Variants in DOCK7 observed in about 807,000 individuals in gnomAD.
The protein encoded by DOCK7 is dedicator of cytokinesis protein 7.
In DOCK7, 138 loss-of-function variants were observed where a neutral mutation model predicts 271.0. The observed-to-expected ratio is 0.51, with a 90% CI of 0.44 to 0.59. The LOEUF is 0.59. Ranked by LOEUF, DOCK7 falls within the 20% of genes least tolerant of loss-of-function variation. The probability of loss-of-function intolerance (pLI) is 0.00; values close to 1 mark genes in which losing one functional copy is unlikely to be tolerated. For missense variants in DOCK7, 2,066 were observed against 2,592.4 expected, an observed-to-expected ratio of 0.80 and a Z score of 4.41; for synonymous variants, 823 against 876.1, an observed-to-expected ratio of 0.94 and a Z score of 1.07.
rs549591859 is a variant in DOCK7 at position 62,571,704 on chromosome 1, G to A, written c.2112+5558C>T. Among the ~76,000 whole-genome samples, 9 of 152,196 alleles carry A rather than the reference G, an allele frequency of 5.9e-5. 1 individual carries two copies. The South Asian group carries it at 1.9e-3, about 32-fold the overall frequency. ...AAAGAAAATGTGGTACATATACACC[G>A]TGGAATACTACGCAGCAATAAAAAG... is the stretch of plus-strand genomic sequence containing the variant. On this transcript the variant is annotated intron_variant, in intron 18 of 49. Coordinates refer to ENST00000635253, the MANE Select transcript of DOCK7 (RefSeq NM_001367561.1).
rs1003289828 is a variant in DOCK7, at chr1:62,598,757, A to G, written c.1683-12133T>C. Reference sequence around the variant, plus strand: ...CTTCTCCAGACCGTGGAAGACCAATATAAACAATTAAACCAACAGCATAGT... The same window carrying G: ...CTTCTCCAGACCGTGGAAGACCAATGTAAACAATTAAACCAACAGCATAGT... On this transcript the variant is annotated intron_variant, in intron 14 of 49. Coordinates refer to ENST00000635253, the MANE Select transcript of DOCK7 (RefSeq NM_001367561.1). 4 of 1,611,242 alleles carry G rather than the reference A, an allele frequency of 2.5e-6. No individual in the cohort carries two copies. The highest frequency in any genetic ancestry group is 3.4e-6 in the Non-Finnish European group (4 of 1,177,952).
intron 1 of DOCK7, among the ~76,000 whole-genome samples, chr1:62,682,055 A>T (rs1661229172): frequency 6.6e-6 from 1 of 152,280 alleles, no homozygotes; most frequent in South Asian, 2.1e-4. Context: ...AAGAAAAAAA[A>T]AAAACAGCAG....
intron 12 of DOCK7, among the ~76,000 whole-genome samples, chr1:62,620,903 A>AAG (rs1653131450): frequency 6.6e-6 from 1 of 150,418 alleles, no homozygotes; most frequent in Non-Finnish European, 1.5e-5. Flanking sequence ...AAAAAAAAAA[A>AAG]AGGAAAGAAA....
chr1:62,643,214 T>TA (rs1424156058), intron 7 of DOCK7, among the ~76,000 whole-genome samples: 1 of 152,210 alleles, frequency 6.6e-6, no homozygotes, highest in Admixed American at 6.5e-5. Context: ...AACTCCTTTA[T>TA]AGATCATCCA....
intron 1 of DOCK7, among the ~76,000 whole-genome samples, chr1:62,676,004 A>C (rs1660513537): frequency 6.6e-6 from 1 of 152,156 alleles, no homozygotes. Flanking sequence ...CTAAACACAA[A>C]ATTACACTAT....
chr1:62,479,709 G>T, intron 43 of DOCK7: 1 of 363,288 alleles, frequency 2.8e-6, no homozygotes, highest in Non-Finnish European at 5.8e-6. Context: ...TTTGAGACAG[G>T]GTCTCACTCC....
chr1:62,604,806 A>G, intron 14 of DOCK7: 1 of 1,612,948 alleles, frequency 6.2e-7, no homozygotes, highest in African/African-American at 1.3e-5. Context: ...AGATTCAGAA[A>G]GCTTTGAATG....
chr1:62,545,213 A>C (rs1231891392), intron 22 of DOCK7, among the ~76,000 whole-genome samples, 174 bp from the exon 23 acceptor site: 1 of 152,184 alleles, frequency 6.6e-6, no homozygotes, highest in Non-Finnish European at 1.5e-5. Context: ...AAATTATCTT[A>C]TTATATAACA....
rs184182697 is a variant in DOCK7 at position 62,649,583 on chromosome 1, T to C, written c.390-1039A>G. On this transcript the variant is annotated intron_variant, in intron 4 of 49. Coordinates refer to ENST00000635253, the MANE Select transcript of DOCK7 (RefSeq NM_001367561.1). ...TAAATCAGAATGCTACTGAATTCTA[T>C]ACTAAAAAAATTGACGATATGAAAT... Among the ~76,000 whole-genome samples the C allele has an allele frequency of 5.9e-3, 903 of 152,298 alleles. 6 individuals are homozygous for C. The highest frequency in any genetic ancestry group is 0.02 in the African/African-American group (852 of 41,570).
At chr1:62,509,696 G>C (rs1056928836) in intron 34 of DOCK7, among the ~76,000 whole-genome samples, 37 of 152,110 alleles carry the variant, frequency 2.4e-4, no homozygotes, top group Non-Finnish European at 2.6e-4. Context: ...ATTATTTCAA[G>C]CTCTCATACA....
Position 62,636,559 on chromosome 1 carries a change from T to C in DOCK7, c.863A>G (p.Tyr288Cys). ...TACCTTTTTCTTTTCCTTGACATCA[T>C]ATAAAGCCAAACTTGCAAAAATGGG... ...IEPIFASLALYDVKEKKKISE... is the reference protein window; with the variant it reads ...IEPIFASLALCDVKEKKKISE... Residue 288 changes from tyrosine (Y) to cysteine (C), a missense_variant, in exon 8 of 50, where the codon TAT (tyrosine) becomes TGT (cysteine). Coordinates refer to ENST00000635253, the MANE Select transcript of DOCK7 (RefSeq NM_001367561.1). 1 of 1,603,134 alleles carries C rather than the reference T, an allele frequency of 6.2e-7. No individual in the cohort carries two copies. Among genetic ancestry groups the C allele is most frequent in the Non-Finnish European group, 8.5e-7 (1 of 1,173,178 alleles).
intron 14 of DOCK7, among the ~76,000 whole-genome samples, chr1:62,600,549 AAACT>A (rs1440936825): frequency 1.3e-5 from 2 of 151,870 alleles, no homozygotes; most frequent in Non-Finnish European, 2.9e-5. Context: ...TGTTACTGCT[AAACT>A]AACGATAAAC....
At position 62,625,384 on chromosome 1, in the gene DOCK7, A is replaced by C. The variant is rs771357124; in HGVS notation, c.1300T>G (p.Ser434Ala). 2.5e-6 allele frequency: 4 copies of C among 1,605,734 alleles called. No individual in the cohort carries two copies. In the South Asian group the frequency reaches 4.5e-5, roughly 18 times the overall value. ...ISTGERKGSWSERRNSSIVGR... is the reference protein window; with the variant it reads ...ISTGERKGSWAERRNSSIVGR... Reference sequence around the variant, plus strand: ...ACAATACTAGAATTCCTCCTCTCTGACCAAGACCCTTTTCGTTCTACAAAA... The same window carrying C: ...ACAATACTAGAATTCCTCCTCTCTGCCCAAGACCCTTTTCGTTCTACAAAA... The change falls in exon 12 of 50, where the codon TCA (serine) becomes GCA (alanine). Residue 434 changes from serine to alanine, a missense_variant. By Grantham distance (99) the Ser-to-Ala change is moderately conservative. Transcript: ENST00000635253.
chr1:62,669,204 T>C (rs540353516), intron 1 of DOCK7, among the ~76,000 whole-genome samples: 6 of 152,346 alleles, frequency 3.9e-5, no homozygotes, highest in African/African-American at 1.4e-4. Context: ...GACTAGCCAC[T>C]GACTGCTTTC....
At chr1:62,500,671 G>T (rs944162424) in intron 37 of DOCK7, among the ~76,000 whole-genome samples, 2 of 151,990 alleles carry the variant, frequency 1.3e-5, no homozygotes, top group African/African-American at 4.8e-5. Context: ...TATTTAAAAC[G>T]GAGAAAAATA....
intron 37 of DOCK7, among the ~76,000 whole-genome samples, chr1:62,503,296 T>C (rs1646839303): frequency 6.6e-6 from 1 of 152,014 alleles, no homozygotes; most frequent in South Asian, 2.1e-4. Context: ...CAGAACTACT[T>C]CCTTTTTAAA....
In DOCK7 at chr1:62,543,573, A is replaced by G. The variant is rs1645604098; in HGVS notation, c.2949+83T>C. The G allele has an allele frequency of 7.8e-6, 8 of 1,029,756 alleles. No homozygotes were observed. In the Admixed American group the frequency reaches 1.5e-4, roughly 20 times the overall value. 63.8% of individuals were successfully genotyped at this position (1,029,756 alleles called of 1,614,324 possible). On this transcript the variant is annotated intron_variant, in intron 24 of 49. Transcript: ENST00000635253. ...AATGCAATTACTGTAAGTATCTCATACTGGTTATGTAAAGAAATCTTACAT... is the reference window on the plus strand; with the variant it reads ...AATGCAATTACTGTAAGTATCTCATGCTGGTTATGTAAAGAAATCTTACAT...
intron 14 of DOCK7, among the ~76,000 whole-genome samples, chr1:62,594,839 A>T (rs936881991): frequency 2.0e-5 from 3 of 152,174 alleles, no homozygotes; most frequent in Admixed American, 6.5e-5. Flanking sequence ...GCCCATCTAT[A>T]TTCTCCCTCA....
At chr1:62,473,937 G>A (rs1344543363) in intron 48 of DOCK7, 45 bp downstream of exon 48, 1 of 1,512,268 alleles carries the variant, frequency 6.6e-7, no homozygotes, top group South Asian at 1.1e-5. Context: ...CTGTGGTATT[G>A]GACAGTCTCA....
Sources: allele counts gnomAD v4.1 joint callset (sites outside exome capture counted in the v4.1 genomes callset), GRCh38; gene constraint gnomAD v4.1.1; transcripts MANE v1.5; gene names NCBI Gene and HGNC (gene_info 2026-07-23, HGNC 2026-07-21).